Variants in MAPK10 observed in about 807,000 individuals in gnomAD.
MAPK10 encodes mitogen-activated protein kinase 10, also known as JNK3 alpha protein kinase.
In MAPK10, 25 loss-of-function variants were observed where a neutral mutation model predicts 59.3. The observed-to-expected ratio is 0.42, with a 90% CI of 0.31 to 0.59. MAPK10 has a LOEUF of 0.59. Ranked by LOEUF, MAPK10 falls within the 20% of genes least tolerant of loss-of-function variation. The pLI is 0.15. For synonymous variants in MAPK10, 190 were observed against 200.5 expected (o/e 0.95, Z 0.44); for missense variants, 351 against 568.9 (o/e 0.62, Z 3.90).
chr4:86,085,549 A>G lies in MAPK10; in HGVS notation c.802+12975T>C, dbSNP rs564637557. 2.0e-5 allele frequency among the ~76,000 whole-genome samples: 3 copies of G among 152,334 alleles called. No homozygotes were observed. In the East Asian group the frequency reaches 5.8e-4, roughly 29 times the overall value. On this transcript the variant is annotated intron_variant, in intron 9 of 13. Transcript: ENST00000641462. Reference sequence around the variant, plus strand: ...ATGCAAATCAAAACTACAATGAGATATCATCTCACCCCGGTTAAAAGAGCT... The same window carrying G: ...ATGCAAATCAAAACTACAATGAGATGTCATCTCACCCCGGTTAAAAGAGCT...
At position 86,312,091 on chromosome 4, in the gene MAPK10, T is replaced by C. The variant is rs2095682982; in HGVS notation, c.-7+42439A>G. On this transcript the variant is annotated intron_variant, in intron 2 of 13. Coordinates refer to ENST00000641462, the MANE Select transcript of MAPK10 (RefSeq NM_138982.4). ...TATGTGCATTCTGTACTAATAAATA[T>C]ATATGGACATAGAATTGGAAGTTTG... Among the ~76,000 whole-genome samples, 2 of 152,092 alleles carry C rather than the reference T, an allele frequency of 1.3e-5. 1 individual carries two copies. The highest frequency in any genetic ancestry group is 1.3e-4 in the Admixed American group (2 of 15,248).
intron 2 of MAPK10, among the ~76,000 whole-genome samples, chr4:86,248,791 T>C (rs2093262328): frequency 6.6e-6 from 1 of 152,178 alleles, no homozygotes; most frequent in African/African-American, 2.4e-5. Flanking sequence ...CAAAGAGCAG[T>C]AATATCATTA....
chr4:86,547,740 T>G (rs949225207), intron 1 of MAPK10, among the ~76,000 whole-genome samples: 1 of 152,110 alleles, frequency 6.6e-6, no homozygotes, highest in African/African-American at 2.4e-5. Flanking sequence ...AACCTTTATA[T>G]CTAGCTAAGG....
intron 3 of MAPK10, among the ~76,000 whole-genome samples, chr4:86,179,645 A>G (rs946092294): frequency 6.6e-6 from 1 of 152,186 alleles, no homozygotes; most frequent in Non-Finnish European, 1.5e-5. Flanking sequence ...TGGCATAAAA[A>G]CAGACACATA....
intron 4 of MAPK10, among the ~76,000 whole-genome samples, chr4:86,111,416 A>G (rs1004076202): frequency 6.6e-6 from 1 of 152,108 alleles, no homozygotes; most frequent in Non-Finnish European, 1.5e-5. Flanking sequence ...TACCTAGTTT[A>G]TTGAGAGTTT....
intron 1 of MAPK10, among the ~76,000 whole-genome samples, chr4:86,375,611 A>C (rs1713935818): frequency 6.7e-6 from 1 of 148,558 alleles, no homozygotes; most frequent in Non-Finnish European, 1.5e-5. Context: ...GCTACTTGGA[A>C]GGTAGGGATG....
At chr4:86,040,281 C>T (rs2041246602) in intron 11 of MAPK10, among the ~76,000 whole-genome samples, 1 of 151,704 alleles carries the variant, frequency 6.6e-6, no homozygotes, top group Non-Finnish European at 1.5e-5. Context: ...ATCAAGAAAA[C>T]AATAAATAAA....
chr4:86,376,235 C>T (rs747723383), intron 1 of MAPK10, among the ~76,000 whole-genome samples: 8 of 152,146 alleles, frequency 5.3e-5, no homozygotes, highest in Non-Finnish European at 1.5e-5. Context: ...TCTCCCCACT[C>T]AAAAGCTTGT....
chr4:86,198,127 C>T (rs182006531), intron 2 of MAPK10, among the ~76,000 whole-genome samples: 3 of 152,218 alleles, frequency 2.0e-5, no homozygotes, highest in East Asian at 3.9e-4. Flanking sequence ...GTTTTGCAAA[C>T]AGAAACACTA....
intron 1 of MAPK10, among the ~76,000 whole-genome samples, chr4:86,492,718 C>G (rs1754563058): frequency 6.6e-6 from 1 of 152,122 alleles, no homozygotes; most frequent in African/African-American, 2.4e-5. Context: ...CTAAAATTAC[C>G]ATGGTGGATG....
At chr4:86,121,673 A>C (rs1484834608) in intron 4 of MAPK10, among the ~76,000 whole-genome samples, 1 of 152,174 alleles carries the variant, frequency 6.6e-6, no homozygotes, top group Non-Finnish European at 1.5e-5. Flanking sequence ...AGAACTGCTA[A>C]TTCAAGCTAA....
At chr4:86,390,753 G>A (rs1254651592) in intron 1 of MAPK10, among the ~76,000 whole-genome samples, 1 of 152,210 alleles carries the variant, frequency 6.6e-6, no homozygotes, top group Non-Finnish European at 1.5e-5. Flanking sequence ...TTCCTAGGAG[G>A]ACAGTACACA....
intron 1 of MAPK10, among the ~76,000 whole-genome samples, chr4:86,369,130 C>T (rs557125372): frequency 1.3e-5 from 2 of 152,308 alleles, no homozygotes; most frequent in South Asian, 4.1e-4. Context: ...GGAAATTCAA[C>T]TTCCCACTCT....
Position 86,413,111 on chromosome 4 carries a change from G to T in MAPK10, c.-122+39919C>A, listed in dbSNP as rs184957934. On this transcript the variant is annotated intron_variant, in intron 1 of 13. Coordinates refer to the MAPK10 transcript ENST00000361569. Reference sequence around the variant, plus strand: ...TGGTGTAGATGTCCTTTTTGTTGATGTTGATGCTATTCCTTTCTGTTTGTG... The same window carrying T: ...TGGTGTAGATGTCCTTTTTGTTGATTTTGATGCTATTCCTTTCTGTTTGTG... Among the ~76,000 whole-genome samples the T allele has an allele frequency of 1.3e-3, 195 of 151,458 alleles. 2 individuals carry two copies. The highest frequency in any genetic ancestry group is 4.5e-3 in the African/African-American group (186 of 41,238).
At chr4:86,158,574 G>A (rs2068552004) in intron 4 of MAPK10, among the ~76,000 whole-genome samples, 1 of 151,648 alleles carries the variant, frequency 6.6e-6, no homozygotes, top group South Asian at 2.1e-4. Context: ...ATCTGTGTGA[G>A]CCATCAGAAA....
intron 4 of MAPK10, among the ~76,000 whole-genome samples, chr4:86,148,748 T>C (rs992476471): frequency 6.6e-6 from 1 of 152,140 alleles, no homozygotes; most frequent in Non-Finnish European, 1.5e-5. Flanking sequence ...AAAATTATAT[T>C]GGGCATGCTG....
At chr4:86,145,643 T>A (rs572519852) in intron 4 of MAPK10, among the ~76,000 whole-genome samples, 1 of 152,286 alleles carries the variant, frequency 6.6e-6, no homozygotes, top group East Asian at 1.9e-4. Context: ...TTCCTACATC[T>A]CTCTGTCTGT....
chr4:86,363,107 C>T (rs1737273524), upstream of MAPK10, among the ~76,000 whole-genome samples: 1 of 152,146 alleles, frequency 6.6e-6, no homozygotes, highest in African/African-American at 2.4e-5. Context: ...ATGGGTTCCA[C>T]ATCTGTAGAT....
intron 1 of MAPK10, among the ~76,000 whole-genome samples, chr4:86,593,025 G>A (rs551621069): frequency 1.3e-5 from 2 of 152,330 alleles, no homozygotes; most frequent in African/African-American, 4.8e-5. Flanking sequence ...TTAGCCCTAT[G>A]AGTAATCACA....
Sources: gnomAD v4.1 joint callset for allele counts (sites outside exome capture counted in the v4.1 genomes callset) on GRCh38, gnomAD v4.1.1 for gene constraint, MANE v1.5 for transcripts, NCBI Gene and HGNC (gene_info 2026-07-23, HGNC 2026-07-21) for gene names.